The following EYS variants were observed in gnomAD, a reference collection of about 807,000 sequenced individuals.
The protein encoded by EYS is protein eyes shut homolog.
EYS carries 250 observed loss-of-function variants against 282.1 expected under a neutral mutation model. The ratio of observed to expected loss-of-function variants is 0.89; its 90% CI spans 0.80 to 0.98. The LOEUF (loss-of-function observed/expected upper bound fraction) is 0.98, where lower values mean the gene tolerates loss of function less well. EYS is among the 50% of genes least tolerant of loss of function. The pLI, the probability that EYS is intolerant of heterozygous loss-of-function variation, is 0.00. For synonymous variants in EYS, 1,355 were observed against 1,282.9 expected, an observed-to-expected ratio of 1.06 and a Z score of -1.20; for missense variants, 4,016 against 3,709.0, an observed-to-expected ratio of 1.08 and a Z score of -2.15.
At chr6:65,413,656 G>A (rs1767116004) in intron 5 of EYS, among the ~76,000 whole-genome samples, 3 of 151,852 alleles carry the variant, frequency 2.0e-5, no homozygotes, top group African/African-American at 7.3e-5. Flanking sequence ...TCAGGAGTTC[G>A]AGACCAGCCT....
chr6:65,610,713 G>T (rs919642143), intron 2 of EYS, among the ~76,000 whole-genome samples: 1 of 151,990 alleles, frequency 6.6e-6, no homozygotes, highest in Admixed American at 6.6e-5. Context: ...ATTTTCACAG[G>T]ATGATATGAT....
At chr6:64,403,362 A>AT (rs901703299) in intron 28 of EYS, among the ~76,000 whole-genome samples, 50 of 150,602 alleles carry the variant, frequency 3.3e-4, no homozygotes, top group Admixed American at 7.3e-4. Flanking sequence ...AAACAAAGTA[A>AT]TTTTTTTTTT....
intron 26 of EYS, among the ~76,000 whole-genome samples, chr6:64,533,502 T>C (rs986477664): frequency 5.3e-5 from 8 of 151,866 alleles, no homozygotes; most frequent in Admixed American, 1.3e-4. Flanking sequence ...AGAATGACAA[T>C]TGACTTAAGA....
intron 5 of EYS, among the ~76,000 whole-genome samples, chr6:65,456,301 A>C (rs2019261): frequency 0.19 from 28,085 of 151,662 alleles, 3,238 homozygotes; most frequent in Middle Eastern, 0.3. Flanking sequence ...AAAATACAAA[A>C]ATTAGCTGGG....
intron 26 of EYS, among the ~76,000 whole-genome samples, chr6:64,562,656 A>G (rs1046512716): frequency 6.6e-6 from 1 of 151,902 alleles, no homozygotes; most frequent in Non-Finnish European, 1.5e-5. Context: ...AACTGGGAAG[A>G]TTTAAGATTT....
At chr6:63,958,889 G>A (rs1173508667) in intron 35 of EYS, among the ~76,000 whole-genome samples, 1 of 152,164 alleles carries the variant, frequency 6.6e-6, no homozygotes, top group Non-Finnish European at 1.5e-5. Context: ...GATTCCCTTT[G>A]AAATGTGTTC....
At chr6:64,745,642 C>A (rs1292034651) in intron 22 of EYS, among the ~76,000 whole-genome samples, 1 of 152,054 alleles carries the variant, frequency 6.6e-6, no homozygotes, top group Non-Finnish European at 1.5e-5. Context: ...TAAGCAGTTA[C>A]TTAAGCAATA....
intron 30 of EYS, among the ~76,000 whole-genome samples, chr6:64,234,460 G>T (rs1316358111): frequency 1.3e-5 from 2 of 152,022 alleles, no homozygotes; most frequent in Admixed American, 6.5e-5. Context: ...TATCATCATG[G>T]ATTCTATCAG....
chr6:64,643,088 C>A (rs1768222498), intron 22 of EYS, among the ~76,000 whole-genome samples: 1 of 148,474 alleles, frequency 6.7e-6, no homozygotes, highest in South Asian at 2.2e-4. Flanking sequence ...GCACTCCAGC[C>A]TGGGCAACAA....
At chr6:64,231,622 T>C (rs1022860050) in intron 30 of EYS, among the ~76,000 whole-genome samples, 2 of 152,188 alleles carry the variant, frequency 1.3e-5, no homozygotes, top group Non-Finnish European at 2.9e-5. Flanking sequence ...ACGCCTGCAT[T>C]ATTTTTTGTC....
chr6:64,810,735 G>A (rs1203360900), intron 22 of EYS, among the ~76,000 whole-genome samples: 1 of 151,964 alleles, frequency 6.6e-6, no homozygotes, highest in African/African-American at 2.4e-5. Flanking sequence ...AAGACCTCAG[G>A]ATAAATACCC....
At chr6:64,742,004 C>T (rs1251329042) in intron 22 of EYS, among the ~76,000 whole-genome samples, 1 of 152,030 alleles carries the variant, frequency 6.6e-6, no homozygotes, top group Non-Finnish European at 1.5e-5. Context: ...GCATTCAAAA[C>T]CTGGCTATTT....
intron 31 of EYS, among the ~76,000 whole-genome samples, chr6:64,134,907 A>G (rs1054154871): frequency 1.3e-5 from 2 of 152,110 alleles, no homozygotes; most frequent in Non-Finnish European, 2.9e-5. Flanking sequence ...GCTAGGTGCT[A>G]TGGATATATG....
At chr6:63,844,948 G>A (rs1772060219) in intron 36 of EYS, among the ~76,000 whole-genome samples, 1 of 152,200 alleles carries the variant, frequency 6.6e-6, no homozygotes, top group South Asian at 2.1e-4. Context: ...CCTATGTTCT[G>A]AATGGTATTG....
chr6:65,456,968 T>C (rs9354249), intron 5 of EYS, among the ~76,000 whole-genome samples: 28,087 of 151,972 alleles, frequency 0.18, 3,219 homozygotes, highest in Middle Eastern at 0.29. Context: ...CATTATCTCC[T>C]GAGCACATGA....
At chr6:64,419,165 T>C (rs573229490) in intron 28 of EYS, among the ~76,000 whole-genome samples, 42 of 152,290 alleles carry the variant, frequency 2.8e-4, no homozygotes, top group African/African-American at 9.9e-4. Flanking sequence ...ATTCTCGTGC[T>C]GCTAATAAAG....
At chr6:65,659,909 T>G (rs866867824) in intron 1 of EYS, among the ~76,000 whole-genome samples, 1 of 151,810 alleles carries the variant, frequency 6.6e-6, no homozygotes, top group African/African-American at 2.4e-5. Context: ...GAAGTCAGAA[T>G]TGCAGATAAC....
chr6:65,279,299 T>C (rs1052534893), intron 12 of EYS, among the ~76,000 whole-genome samples: 1 of 152,188 alleles, frequency 6.6e-6, no homozygotes, highest in African/African-American at 2.4e-5. Flanking sequence ...GACTTTCTCA[T>C]AGTTATTTCC....
chr6:64,997,752 T>G, intron 13 of EYS, 49 bp from the exon 14 acceptor site: 1 of 1,508,420 alleles, frequency 6.6e-7, no homozygotes, highest in Non-Finnish European at 8.9e-7. Flanking sequence ...TTAACCTTAG[T>G]ACAGGTAATT....
Sources: allele counts gnomAD v4.1 joint callset (sites outside exome capture counted in the v4.1 genomes callset), GRCh38; gene constraint gnomAD v4.1.1; transcripts MANE v1.5; gene names NCBI Gene and HGNC (gene_info 2026-07-23, HGNC 2026-07-21).